Variants in ADAMTSL3 observed in about 807,000 individuals in gnomAD.
The protein encoded by ADAMTSL3 is ADAMTS-like protein 3.
In ADAMTSL3, 128 loss-of-function variants were observed where a neutral mutation model predicts 201.7. That is an observed-to-expected ratio of 0.63 (90% CI 0.55 to 0.73). The LOEUF is 0.73. Among genes scored for constraint, ADAMTSL3 ranks in the 30% least tolerant of loss-of-function variants. The pLI is 0.00. For synonymous variants in ADAMTSL3, 738 were observed against 748.4 expected (o/e 0.99, Z 0.23); for missense variants, 1,990 against 2,119.6 (o/e 0.94, Z 1.20).
chr15:84,007,833 G>C (rs1488068497), intron 23 of ADAMTSL3, among the ~76,000 whole-genome samples: 1 of 152,130 alleles, frequency 6.6e-6, no homozygotes, highest in African/African-American at 2.4e-5. Context: ...GGTGGAAATA[G>C]GGAGATGAGA....
At chr15:83,670,547 T>G (rs1279851580) in intron 2 of ADAMTSL3, among the ~76,000 whole-genome samples, 2 of 152,182 alleles carry the variant, frequency 1.3e-5, no homozygotes, top group Admixed American at 1.3e-4. Context: ...AAACAAAAGT[T>G]TTGGGAAACA....
intron 6 of ADAMTSL3, among the ~76,000 whole-genome samples, chr15:83,824,656 C>T (rs1246751911): frequency 6.6e-6 from 1 of 152,174 alleles, no homozygotes; most frequent in East Asian, 1.9e-4. Context: ...TCCTCGCTAA[C>T]CCCTGGCAAC....
At chr15:83,791,524 A>G (rs1331947694) in intron 4 of ADAMTSL3, among the ~76,000 whole-genome samples, 1 of 152,216 alleles carries the variant, frequency 6.6e-6, no homozygotes, top group Non-Finnish European at 1.5e-5. Flanking sequence ...AAAACTAGAT[A>G]TCCACATGAA....
intron 19 of ADAMTSL3, among the ~76,000 whole-genome samples, chr15:83,966,722 A>T (rs1438197066): frequency 1.3e-5 from 2 of 152,028 alleles, no homozygotes; most frequent in African/African-American, 4.8e-5. Context: ...CAGAAACACA[A>T]CAAAAAAAAA....
intron 20 of ADAMTSL3, 99 bp from the exon 21 acceptor site, chr15:83,982,170 CGTTT>C (rs2067394818): frequency 1.2e-6 from 1 of 840,210 alleles, no homozygotes; most frequent in South Asian, 1.9e-5. Context: ...AAAAAAGATA[CGTTT>C]GTTAGCCTGT....
chr15:83,818,694 TG>T (rs1417084428), intron 5 of ADAMTSL3, among the ~76,000 whole-genome samples: 1 of 152,238 alleles, frequency 6.6e-6, no homozygotes. Context: ...AGATTTTTGA[TG>T]AGTAAAGTAA....
At chr15:83,730,372 AG>A (rs566444028) in intron 3 of ADAMTSL3, among the ~76,000 whole-genome samples, 193 of 152,228 alleles carry the variant, frequency 1.3e-3, no homozygotes, top group African/African-American at 4.5e-3. Context: ...GAGGAACTAC[AG>A]GAATAAACTC....
chr15:83,930,416 C>A (rs549506355), intron 17 of ADAMTSL3, among the ~76,000 whole-genome samples: 55 of 152,294 alleles, frequency 3.6e-4, no homozygotes, highest in African/African-American at 1.3e-3. Flanking sequence ...TTAGTCAGTG[C>A]TCTTCCATTG....
At chr15:83,681,642 C>G (rs890071975) in intron 2 of ADAMTSL3, among the ~76,000 whole-genome samples, 4 of 152,164 alleles carry the variant, frequency 2.6e-5, no homozygotes, top group African/African-American at 7.2e-5. Context: ...TTGAATAGCA[C>G]TCTAAAAGGG....
chr15:83,970,902 A>G (rs948955826), intron 20 of ADAMTSL3, among the ~76,000 whole-genome samples: 6 of 152,338 alleles, frequency 3.9e-5, no homozygotes, highest in Admixed American at 3.9e-4. Flanking sequence ...CTACTTTACC[A>G]TAATTCCTTC....
intron 16 of ADAMTSL3, among the ~76,000 whole-genome samples, chr15:83,916,539 C>T (rs2066036390): frequency 6.6e-6 from 1 of 152,040 alleles, no homozygotes; most frequent in Non-Finnish European, 1.5e-5. Context: ...TTTTTAATTT[C>T]TTGGGTTAAA....
At chr15:83,867,505 CA>C (rs2065002101) in intron 8 of ADAMTSL3, among the ~76,000 whole-genome samples, 1 of 152,086 alleles carries the variant, frequency 6.6e-6, no homozygotes, top group African/African-American at 2.4e-5. Flanking sequence ...GGTCATAAAC[CA>C]AAAACCTCCA....
intron 9 of ADAMTSL3, among the ~76,000 whole-genome samples, chr15:83,884,347 T>C (rs1567213010): frequency 1.3e-5 from 2 of 148,652 alleles, no homozygotes; most frequent in East Asian, 1.9e-4. Flanking sequence ...CCTTTTTTTT[T>C]TTTTTTTTTT....
chr15:83,741,270 G>T (rs146560155), intron 3 of ADAMTSL3, among the ~76,000 whole-genome samples: 2 of 151,310 alleles, frequency 1.3e-5, no homozygotes, highest in African/African-American at 4.8e-5. Flanking sequence ...ATCCCACAGG[G>T]TGTTTTTTCT....
At chr15:84,012,921 C>T (rs1284140547) in intron 23 of ADAMTSL3, among the ~76,000 whole-genome samples, 1 of 152,200 alleles carries the variant, frequency 6.6e-6, no homozygotes, top group Non-Finnish European at 1.5e-5. Context: ...ATCTAAAGGG[C>T]TTTGCCCAAG....
chr15:83,712,431 G>A (rs558959134), intron 3 of ADAMTSL3, among the ~76,000 whole-genome samples: 4 of 152,290 alleles, frequency 2.6e-5, no homozygotes, highest in South Asian at 2.1e-4. Flanking sequence ...AGTGCTACAC[G>A]GCTAAGGTGG....
intron 15 of ADAMTSL3, among the ~76,000 whole-genome samples, chr15:83,904,547 G>A (rs1236824251): frequency 6.6e-6 from 1 of 152,182 alleles, no homozygotes; most frequent in Non-Finnish European, 1.5e-5. Flanking sequence ...TACATAGGGA[G>A]CGGATGTTCA....
At chr15:83,655,890 A>G in intron 2 of ADAMTSL3, 60 bp downstream of exon 2, 8 of 1,512,898 alleles carry the variant, frequency 5.3e-6, no homozygotes, top group Non-Finnish European at 7.3e-6. Flanking sequence ...ACTCAGAGGC[A>G]TTATTGTATA....
intron 4 of ADAMTSL3, among the ~76,000 whole-genome samples, chr15:83,780,487 C>T (rs1343965722): frequency 6.6e-6 from 1 of 151,054 alleles, no homozygotes; most frequent in Admixed American, 6.6e-5. Flanking sequence ...CCATCTATGA[C>T]AAACCCACAG....
Sources: allele counts gnomAD v4.1 joint callset (sites outside exome capture counted in the v4.1 genomes callset), GRCh38; gene constraint gnomAD v4.1.1; transcripts MANE v1.5; gene names NCBI Gene and HGNC (gene_info 2026-07-23, HGNC 2026-07-21).